Variants in CDH13 observed in about 807,000 individuals in gnomAD.
CDH13 encodes cadherin 13.
CDH13 carries 24 observed loss-of-function variants against 63.8 expected under a neutral mutation model. That is an observed-to-expected ratio of 0.38 (90% CI 0.27 to 0.53). The LOEUF is 0.53. Among genes scored for constraint, CDH13 ranks in the 20% least tolerant of loss-of-function variants. The pLI is 0.85. For synonymous variants in CDH13, 503 were observed against 355.3 expected (o/e 1.42, Z -4.67); for missense variants, 1,049 against 903.1 (o/e 1.16, Z -2.07).
chr16:83,777,382 A>G (rs1915194162), intron 11 of CDH13, among the ~76,000 whole-genome samples: 1 of 152,194 alleles, frequency 6.6e-6, no homozygotes, highest in Non-Finnish European at 1.5e-5. Flanking sequence ...CTTTGCATGT[A>G]GAGCCACATG....
chr16:83,010,840 G>T (rs926909362), intron 2 of CDH13, among the ~76,000 whole-genome samples: 4 of 152,212 alleles, frequency 2.6e-5, no homozygotes, highest in African/African-American at 9.6e-5. Context: ...CTTACGTGCA[G>T]TTGGTTGTAG....
At chr16:83,397,452 G>A (rs1487017649) in intron 6 of CDH13, 1 of 152,188 alleles carries the variant, frequency 6.6e-6, no homozygotes, top group Non-Finnish European at 1.5e-5. Flanking sequence ...GCTCTGTTGT[G>A]ACTTTTATAA....
At chr16:83,324,594 A>G (rs2090318008) in intron 5 of CDH13, among the ~76,000 whole-genome samples, 1 of 152,168 alleles carries the variant, frequency 6.6e-6, no homozygotes, top group Non-Finnish European at 1.5e-5. Context: ...ATCCCATTTT[A>G]TAGCTGAGTA....
At chr16:83,781,920 A>G (rs1445922349) in intron 12 of CDH13, among the ~76,000 whole-genome samples, 1 of 151,622 alleles carries the variant, frequency 6.6e-6, no homozygotes, top group African/African-American at 2.4e-5. Flanking sequence ...TGTACCCCGG[A>G]ACTTCAATTA....
chr16:83,527,766 A>G (rs73605884), intron 7 of CDH13, among the ~76,000 whole-genome samples: 2,098 of 152,296 alleles, frequency 0.014, 42 homozygotes, highest in African/African-American at 0.048. Context: ...AGCACCTATT[A>G]CGGTTGTTGT....
intron 7 of CDH13, among the ~76,000 whole-genome samples, chr16:83,521,936 G>C (rs1346250732): frequency 6.6e-6 from 1 of 152,184 alleles, no homozygotes; most frequent in Non-Finnish European, 1.5e-5. Flanking sequence ...TGTAGAGTCT[G>C]CCCTTGAAAC....
chr16:83,315,535 G>A (rs1260871441), intron 5 of CDH13, among the ~76,000 whole-genome samples: 2 of 151,860 alleles, frequency 1.3e-5, no homozygotes, highest in African/African-American at 2.4e-5. Context: ...GATAGTAACT[G>A]CATAAGACCT....
intron 2 of CDH13, among the ~76,000 whole-genome samples, chr16:82,909,250 ATATGTG>A (rs1232271945): frequency 4.2e-4 from 40 of 96,244 alleles, no homozygotes; most frequent in South Asian, 8.8e-4. Flanking sequence ...GACTGACTGT[ATATGTG>A]TGTGTGTGTG....
intron 4 of CDH13, among the ~76,000 whole-genome samples, chr16:83,129,205 A>G (rs1310187045): frequency 1.3e-5 from 2 of 152,158 alleles, no homozygotes; most frequent in Non-Finnish European, 2.9e-5. Context: ...ACAGAGGCAG[A>G]GCTCTGGCCT....
intron 13 of CDH13, among the ~76,000 whole-genome samples, chr16:83,788,458 A>T (rs1916032041): frequency 1.0e-5 from 1 of 96,830 alleles, no homozygotes. Flanking sequence ...GTATTAGTAA[A>T]CATTGAATTT....
chr16:83,050,623 C>T (rs1028836379), intron 3 of CDH13, among the ~76,000 whole-genome samples: 1 of 152,152 alleles, frequency 6.6e-6, no homozygotes, highest in Non-Finnish European at 1.5e-5. Context: ...AACCTAGCAG[C>T]TTTAAAGATC....
chr16:83,381,088 C>T (rs546702529), intron 6 of CDH13, among the ~76,000 whole-genome samples: 1 of 152,024 alleles, frequency 6.6e-6, no homozygotes, highest in Admixed American at 6.6e-5. Flanking sequence ...CTTTCTTGTT[C>T]CAGGAAACAT....
chr16:83,476,436 G>C (rs999696229), intron 6 of CDH13, among the ~76,000 whole-genome samples: 1 of 152,224 alleles, frequency 6.6e-6, no homozygotes, highest in African/African-American at 2.4e-5. Flanking sequence ...ACTTTGAGAG[G>C]CCAAGGTGGG....
chr16:83,169,078 A>G (rs1284770045), intron 4 of CDH13, among the ~76,000 whole-genome samples: 4 of 152,154 alleles, frequency 2.6e-5, no homozygotes, highest in African/African-American at 9.6e-5. Flanking sequence ...ATTAAAACAT[A>G]ATTATCAAAC....
At chr16:83,026,375 A>G (rs867816458) in intron 2 of CDH13, among the ~76,000 whole-genome samples, 40 of 152,256 alleles carry the variant, frequency 2.6e-4, no homozygotes, top group Middle Eastern at 3.4e-3. Context: ...TAGTCAGTCA[A>G]TCTCTCTGAG....
intron 1 of CDH13, among the ~76,000 whole-genome samples, chr16:82,736,857 C>T (rs367966964): frequency 2.0e-5 from 3 of 152,154 alleles, no homozygotes; most frequent in Non-Finnish European, 4.4e-5. Flanking sequence ...CAGATGGCCT[C>T]TCTTGGTTGT....
At chr16:83,324,933 A>G (rs552962692) in intron 5 of CDH13, among the ~76,000 whole-genome samples, 1 of 152,250 alleles carries the variant, frequency 6.6e-6, no homozygotes, top group East Asian at 1.9e-4. Context: ...TCACCTCTTC[A>G]GGCCCAGCCC....
chr16:83,068,985 C>T (rs1489605871), intron 3 of CDH13, among the ~76,000 whole-genome samples: 1 of 152,166 alleles, frequency 6.6e-6, no homozygotes, highest in African/African-American at 2.4e-5. Flanking sequence ...GCAAAAGTTA[C>T]CCATTTCCCA....
chr16:83,768,667 T>C (rs765360540), intron 11 of CDH13, among the ~76,000 whole-genome samples: 25 of 152,198 alleles, frequency 1.6e-4, no homozygotes, highest in Admixed American at 6.5e-5. Flanking sequence ...CTTGATGATA[T>C]GCTAAACAAA....
Sources: allele counts gnomAD v4.1 joint callset (sites outside exome capture counted in the v4.1 genomes callset), GRCh38; gene constraint gnomAD v4.1.1; transcripts MANE v1.5; gene names NCBI Gene and HGNC (gene_info 2026-07-23, HGNC 2026-07-21).